Variants in FCGRT observed in about 807,000 individuals in gnomAD.
FCGRT encodes the protein IgG receptor FcRn large subunit p51.
FCGRT carries 13 observed loss-of-function variants against 35.7 expected under a neutral mutation model. That is an observed-to-expected ratio of 0.36 (90% CI 0.24 to 0.58). The LOEUF is 0.58. FCGRT is among the 20% of genes least tolerant of loss of function. The pLI is 0.77. For missense variants in FCGRT, 455 were observed against 474.9 expected (o/e 0.96, Z 0.39); for synonymous variants, 233 against 216.5 (o/e 1.08, Z -0.67).
chr19:49,513,267 G>A (rs1473053693), intron 1 of FCGRT, 120 bp from the exon 2 acceptor site: 1 of 413,026 alleles, frequency 2.4e-6, no homozygotes, highest in Non-Finnish European at 4.2e-6. Context: ...ATTGTTGTCA[G>A]TCTGGACCGA....
At chr19:49,522,409 CT>C (rs2080046267) in intron 4 of FCGRT, among the ~76,000 whole-genome samples, 1 of 150,858 alleles carries the variant, frequency 6.6e-6, no homozygotes, top group Non-Finnish European at 1.5e-5. Flanking sequence ...AGTTCTGAAT[CT>C]TTTTTTAAAT....
intron 4 of FCGRT, chr19:49,515,293 A>G (rs1286202299): frequency 1.4e-5 from 2 of 147,528 alleles, no homozygotes; most frequent in Non-Finnish European, 3.0e-5. Context: ...TAACTGGCTA[A>G]TTTTTTTTTT....
chr19:49,521,694 G>A (rs913569234), intron 4 of FCGRT: 1 of 146,324 alleles, frequency 6.8e-6, no homozygotes, highest in African/African-American at 2.5e-5. Context: ...CTTTGAGACA[G>A]GCACTTGCAC....
chr19:49,526,098 T>G lies in FCGRT; in HGVS notation c.1077T>G (p.Asn359Lys). The G allele has an allele frequency of 6.2e-7, 1 of 1,612,866 alleles. No individual in the cohort carries two copies. The highest frequency in any genetic ancestry group is 1.1e-5 in the South Asian group (1 of 91,078). ...EAQDADLKDV[N>K]VIPATA ...AGGATGCTGATTTGAAGGATGTAAA[T>G]GTGATTCCAGCCACCGCCTGACCAT... Residue 359 changes from asparagine to lysine, a missense_variant, in exon 7 of 7, where the codon AAT becomes AAG. By Grantham distance (94) the Asn-to-Lys change is moderately conservative. This residue lies in a region of FCGRT where 312 missense variants were observed against 296.1 expected (regional missense o/e 1.05). Coordinates refer to ENST00000221466, the MANE Select transcript of FCGRT (RefSeq NM_001136019.3).
Position 49,514,746 on chromosome 19 carries a change from T to A in FCGRT, c.601+260T>A, listed in dbSNP as rs1471253894. Among the ~76,000 whole-genome samples, 4 of 147,658 alleles carry A rather than the reference T, an allele frequency of 2.7e-5. No individual in the cohort carries two copies. In the Admixed American group the frequency reaches 2.8e-4, roughly 10 times the overall value. On this transcript the variant is annotated intron_variant, in intron 4 of 6. Coordinates refer to ENST00000221466, the MANE Select transcript of FCGRT (RefSeq NM_001136019.3). ...TTCGCTCTTGTTGCCCAGGCTGGAG[T>A]GTAATGGCGCGATCTCGGCTCACCA...
intron 4 of FCGRT, among the ~76,000 whole-genome samples, chr19:49,517,714 T>A (rs1405968822): frequency 6.6e-6 from 1 of 152,168 alleles, no homozygotes; most frequent in Admixed American, 6.6e-5. Context: ...GTTTGTATTT[T>A]GAGATGGAGT....
At chr19:49,520,193 G>C (rs538357230) in intron 4 of FCGRT, among the ~76,000 whole-genome samples, 24 of 143,262 alleles carry the variant, frequency 1.7e-4, no homozygotes, top group African/African-American at 5.8e-4. Flanking sequence ...GCAGTAGCAC[G>C]ATCTCGGCTC....
intron 5 of FCGRT, 39 bp downstream of exon 5, chr19:49,524,815 T>C: frequency 1.3e-6 from 2 of 1,579,610 alleles, no homozygotes; most frequent in Non-Finnish European, 1.7e-6. Flanking sequence ...TGGTTTCCCG[T>C]TGCCTTGTCT....
At chr19:49,514,928 G>A (rs1217504016) in intron 4 of FCGRT, among the ~76,000 whole-genome samples, 1 of 151,468 alleles carries the variant, frequency 6.6e-6, no homozygotes, top group East Asian at 1.9e-4. Context: ...CTGACCTCAG[G>A]TGATCCGCCC....
In FCGRT at chr19:49,513,737, T is replaced by TC. The variant is rs3030704; in HGVS notation, c.74-133dup. The TC allele has an allele frequency of 8.5e-3, 2,199 of 257,722 alleles. 145 individuals carry two copies. Among genetic ancestry groups the TC allele is most frequent in the African/African-American group, 0.041 (720 of 17,770 alleles). The allele number at this position is 257,722 out of a possible 1,614,324, so 16.0% of individuals were successfully genotyped here. ...TTGTCTCTCTCTCTCTGGGTCTCTGTCCCCCCCCCCCCGGGTTTCTGTCCC... is the reference window on the plus strand; with the variant it reads ...TTGTCTCTCTCTCTCTGGGTCTCTGTCCCCCCCCCCCCCGGGTTTCTGTCCC... On this transcript the variant is annotated intron_variant, in intron 2 of 6. Transcript: ENST00000221466.
At chr19:49,524,475 C>A (rs761512901) in intron 4 of FCGRT, 32 bp from the exon 5 acceptor site, 2 of 1,589,038 alleles carry the variant, frequency 1.3e-6, no homozygotes, top group African/African-American at 1.3e-5. Context: ...GGTGGGCTCG[C>A]GACTTAGGCC....
intron 2 of FCGRT, 148 bp downstream of exon 2, chr19:49,513,621 G>T: frequency 4.2e-6 from 2 of 473,562 alleles, no homozygotes; most frequent in Non-Finnish European, 6.9e-6. Flanking sequence ...AACGTCTCCT[G>T]CTGGGCCTGA....
chr19:49,513,867 T>A lies in FCGRT; in HGVS notation c.74-15T>A. ...CCCGCCCGTGTGCTCCCTTCAGCTC[T>A]GTTTCTGTCTGCAGAAAGCCACCTC... is the stretch of plus-strand genomic sequence containing the variant. On this transcript the variant is annotated splice_polypyrimidine_tract_variant and intron_variant, in intron 2 of 6. Coordinates refer to ENST00000221466, the MANE Select transcript of FCGRT (RefSeq NM_001136019.3). 6.3e-7 allele frequency: 1 copy of A among 1,579,082 alleles called. No homozygotes were observed. The highest frequency in any genetic ancestry group is 8.6e-7 in the Non-Finnish European group (1 of 1,161,474).
intron 1 of FCGRT, 73 bp from the exon 2 acceptor site, chr19:49,513,314 C>T (rs933570468): frequency 2.8e-6 from 2 of 705,654 alleles, no homozygotes; most frequent in Non-Finnish European, 4.0e-6. Context: ...TGGTCCCGGC[C>T]GTGCCCGCGG....
rs574636502 is a variant in FCGRT at position 49,514,784 on chromosome 19, C to T, written c.601+298C>T. On this transcript the variant is annotated intron_variant, in intron 4 of 6. Transcript: ENST00000221466. ...TCTCGGCTCACCACAACCTCCGCCT[C>T]CCGGGTTCAAGTGATCTCCTGCCTC... Among the ~76,000 whole-genome samples the T allele has an allele frequency of 2.6e-5, 4 of 151,618 alleles. No homozygotes were observed. The South Asian group carries it at 8.3e-4, about 32-fold the overall frequency.
chr19:49,524,013 C>CTT (rs200152928), intron 4 of FCGRT, among the ~76,000 whole-genome samples: 4 of 144,700 alleles, frequency 2.8e-5, no homozygotes, highest in Non-Finnish European at 4.6e-5. Flanking sequence ...TATCCTCTAT[C>CTT]TTTTTTTTTT....
intron 4 of FCGRT, among the ~76,000 whole-genome samples, chr19:49,524,287 G>A (rs566359686): frequency 6.4e-4 from 98 of 152,278 alleles, no homozygotes; most frequent in Non-Finnish European, 1.2e-3. Context: ...GATTACAGGC[G>A]TGAGCCAACA....
chr19:49,514,545 C>G, intron 4 of FCGRT, 59 bp downstream of exon 4: 2 of 1,454,952 alleles, frequency 1.4e-6, no homozygotes, highest in Non-Finnish European at 1.8e-6. Flanking sequence ...GCCCACCTGC[C>G]TCAGTTCCCC....
intron 6 of FCGRT, 136 bp from the exon 7 acceptor site, chr19:49,525,872 AGG>A: frequency 1.3e-6 from 1 of 753,096 alleles, no homozygotes; most frequent in East Asian, 2.4e-5. Flanking sequence ...AATTGGGAGA[AGG>A]GGAGACAAAG....
Sources: gnomAD v4.1 joint callset for allele counts (sites outside exome capture counted in the v4.1 genomes callset) on GRCh38, gnomAD v4.1.1 for gene constraint, gnomAD v4.1.1 regional missense constraint, MANE v1.5 for transcripts, NCBI Gene and HGNC (gene_info 2026-07-23, HGNC 2026-07-21) for gene names.